Variants in LTBP3 observed in about 807,000 individuals in gnomAD.
The protein encoded by LTBP3 is latent-transforming growth factor beta-binding protein 3.
A neutral mutation model predicts 159.7 loss-of-function variants in LTBP3; 97 were observed. That is an observed-to-expected ratio of 0.61 (90% CI 0.52 to 0.72). LTBP3 has a LOEUF of 0.72. Ranked by LOEUF, LTBP3 falls within the 30% of genes least tolerant of loss-of-function variation. The pLI, the probability that LTBP3 is intolerant of heterozygous loss-of-function variation, is 0.00. For missense variants in LTBP3, 1,584 were observed against 1,864.3 expected, an observed-to-expected ratio of 0.85 and a Z score of 2.77; for synonymous variants, 824 against 777.1, an observed-to-expected ratio of 1.06 and a Z score of -1.00.
At position 65,539,017 on chromosome 11, in the gene LTBP3, G is replaced by GC. The variant is rs965051560; in HGVS notation, c.*62dup. The GC allele has an allele frequency of 5.1e-5, 67 of 1,324,716 alleles. No homozygotes were observed. Among genetic ancestry groups the GC allele is most frequent in the Non-Finnish European group, 6.3e-5 (65 of 1,038,560 alleles). 82.1% of individuals were successfully genotyped at this position (1,324,716 alleles called of 1,614,324 possible). ...AGCCACAAGTCGGGGCAGAAGTGAGGCCGAGCTCGCGGAAATCCCTCAGTG... is the reference window on the plus strand; with the variant it reads ...AGCCACAAGTCGGGGCAGAAGTGAGGCCCGAGCTCGCGGAAATCCCTCAGTG... On this transcript the variant is annotated 3_prime_UTR_variant, in exon 28 of 28. Coordinates refer to ENST00000301873, the MANE Select transcript of LTBP3 (RefSeq NM_001130144.3).
Position 65,553,942 on chromosome 11 carries a change from G to A in LTBP3, c.662-39C>T, listed in dbSNP as rs751122445. 3 of 1,519,326 alleles carry A rather than the reference G, an allele frequency of 2.0e-6. No individual in the cohort carries two copies. Among genetic ancestry groups the A allele is most frequent in the Middle Eastern group, 3.9e-4 (2 of 5,108 alleles). 94.1% of individuals were successfully genotyped at this position (1,519,326 alleles called of 1,614,324 possible). A position where few individuals can be genotyped will look rare whatever the true frequency, so the allele number is the denominator to read the frequency against. On this transcript the variant is annotated intron_variant, in intron 2 of 27. Coordinates refer to ENST00000301873, the MANE Select transcript of LTBP3 (RefSeq NM_001130144.3). The surrounding 1 kb of genome is among the most constrained non-coding windows in gnomAD (Gnocchi z 6.5). ...CGGTGGCCTCAGGGCTGCCCGCACC[G>A]CGCCGCGGGTCACCGCGCTGAGCTC...
rs1219883550 is a variant in LTBP3 at position 65,543,410 on chromosome 11, G to C, written c.2476+17C>G. 2 of 1,613,810 alleles carry C rather than the reference G, an allele frequency of 1.2e-6. No individual in the cohort carries two copies. Among genetic ancestry groups the C allele is most frequent in the Non-Finnish European group, 1.7e-6 (2 of 1,179,936 alleles). On this transcript the variant is annotated intron_variant, in intron 17 of 27. Transcript: ENST00000301873. ...TAGGGAGGGACAGGTCAGCACCCCA[G>C]CTCTAAGATCCCTCACCCTCGCAGT...
At chr11:65,550,896 T>C (rs1284647952) in intron 11 of LTBP3, among the ~76,000 whole-genome samples, 1 of 152,210 alleles carries the variant, frequency 6.6e-6, no homozygotes, top group Non-Finnish European at 1.5e-5. Flanking sequence ...CCTGTAACAC[T>C]AATAAGTATT....
rs375946296 is a variant in LTBP3 at position 65,540,971 on chromosome 11, G to A, written c.2894-17C>T. 2 of 1,610,596 alleles carry A rather than the reference G, an allele frequency of 1.2e-6. No individual in the cohort carries two copies. The highest frequency in any genetic ancestry group is 2.7e-5 in the African/African-American group (2 of 74,910). On this transcript the variant is annotated splice_polypyrimidine_tract_variant and intron_variant, in intron 20 of 27. Transcript: ENST00000301873. ...GGAACTCGGCTGCAGGGGCAGGGCG[G>A]CCGTGGGGAGGGAAGAGGCAGGACT...
chr11:65,551,080 TG>T, intron 11 of LTBP3, 45 bp downstream of exon 11: 1 of 1,479,392 alleles, frequency 6.8e-7, no homozygotes, highest in Non-Finnish European at 9.2e-7. Flanking sequence ...AAAACTAAAG[TG>T]GGGGCGTGGC....
intron 17 of LTBP3, 56 bp downstream of exon 17, chr11:65,543,371 T>TG: frequency 1.9e-6 from 3 of 1,611,726 alleles, no homozygotes; most frequent in South Asian, 1.1e-5. Context: ...CCCTGGGGGG[T>TG]GGGGGTCCTG....
Position 65,547,027 on chromosome 11 carries a change from C to T in LTBP3, c.2108-107G>A. On this transcript the variant is annotated intron_variant, in intron 14 of 27. Coordinates refer to ENST00000301873, the MANE Select transcript of LTBP3 (RefSeq NM_001130144.3). This position sits in a 1 kb window ranked among gnomAD's most constrained non-coding sequence, Gnocchi z 4.6. ...CTCCCACACAGATCAACGAGGCTCC[C>T]GGACCCCAACCTCTGAGAGGCCCAG... The T allele has an allele frequency of 3.3e-6, 5 of 1,507,304 alleles. No individual in the cohort carries two copies. Among genetic ancestry groups the T allele is most frequent in the Non-Finnish European group, 4.5e-6 (5 of 1,106,900 alleles). The allele number at this position is 1,507,304 out of a possible 1,614,324, so 93.4% of individuals were successfully genotyped here.
In LTBP3 at chr11:65,552,501, C is replaced by T. The variant is rs1178791579; in HGVS notation, c.1187-95G>A. 16 of 1,493,226 alleles carry T rather than the reference C, an allele frequency of 1.1e-5. No individual in the cohort carries two copies. The highest frequency in any genetic ancestry group is 1.5e-5 in the Non-Finnish European group (16 of 1,095,906). The allele number at this position is 1,493,226 out of a possible 1,614,324, so 92.5% of individuals were successfully genotyped here. On this transcript the variant is annotated intron_variant, in intron 6 of 27. Transcript: ENST00000301873. This position sits in a 1 kb window ranked among gnomAD's most constrained non-coding sequence, Gnocchi z 6.0. The stretch of plus-strand genomic sequence containing the variant: ...GCAGACCTTGCCTCTCCGGCCCAGA[C>T]AACCCTTGATCCCCCATGTGGTCTC...
Position 65,552,730 on chromosome 11 carries a change from G to T in LTBP3, c.1186+130C>A. The T allele has an allele frequency of 7.3e-7, 1 of 1,363,440 alleles. No homozygotes were observed. 84.5% of individuals were successfully genotyped at this position (1,363,440 alleles called of 1,614,324 possible). A position where few individuals can be genotyped will look rare whatever the true frequency, so the allele number is the denominator to read the frequency against. On this transcript the variant is annotated intron_variant, in intron 6 of 27. Transcript: ENST00000301873. This position sits in a 1 kb window ranked among gnomAD's most constrained non-coding sequence, Gnocchi z 6.0. ...GTGACCCCGGACCCTGCTGATCCCT[G>T]ATCCTATTGGCTCTGGGCCTTGTTC...
chr11:65,545,540 G>A lies in LTBP3; in HGVS notation c.2353+902C>T, dbSNP rs141078031. Reference sequence around the variant, plus strand: ...CCCAAACTGGAAACGGGGAGGGGTCGTTATCACCCTCGCTTTCACTTGACA... The same window carrying A: ...CCCAAACTGGAAACGGGGAGGGGTCATTATCACCCTCGCTTTCACTTGACA... On this transcript the variant is annotated intron_variant, in intron 16 of 27. Transcript: ENST00000301873. 38 of 231,030 alleles carry A rather than the reference G, an allele frequency of 1.6e-4. No individual in the cohort carries two copies. In the East Asian group the frequency reaches 1.8e-3, roughly 11 times the overall value. 14.3% of individuals were successfully genotyped at this position (231,030 alleles called of 1,614,324 possible).
chr11:65,540,363 G>A lies in LTBP3; in HGVS notation c.3126C>T (p.Asp1042=), dbSNP rs1347437665. The change falls in exon 23 of 28, where the codon GAC becomes GAT. Residue 1042 remains aspartate, a synonymous_variant. Coordinates refer to ENST00000301873, the MANE Select transcript of LTBP3 (RefSeq NM_001130144.3). ...ACACTCCGTTCCGGCAGTTGGACTC[G>A]TCCAGGCACTCGTCCACGTCTGCAG... ...LECVDVDECL[D]ESNCRNGVCE... The A allele has an allele frequency of 1.3e-6, 2 of 1,594,734 alleles. No homozygotes were observed. Among genetic ancestry groups the A allele is most frequent in the Non-Finnish European group, 1.7e-6 (2 of 1,171,904 alleles).
Position 65,540,000 on chromosome 11 carries a change from C to T in LTBP3, c.3385+13G>A. On this transcript the variant is annotated intron_variant, in intron 24 of 27. Coordinates refer to ENST00000301873, the MANE Select transcript of LTBP3 (RefSeq NM_001130144.3). Reference sequence around the variant, plus strand: ...GGGCCCCGGGATCGGCCAAGGCCAACCCTCGCCCTCACCGGCCGGGCTCTC... The same window carrying T: ...GGGCCCCGGGATCGGCCAAGGCCAATCCTCGCCCTCACCGGCCGGGCTCTC... 6.7e-7 allele frequency: 1 copy of T among 1,489,342 alleles called. No homozygotes were observed. Among genetic ancestry groups the T allele is most frequent in the African/African-American group, 1.4e-5 (1 of 70,200 alleles). The allele number at this position is 1,489,342 out of a possible 1,614,324, so 92.3% of individuals were successfully genotyped here. A position where few individuals can be genotyped will look rare whatever the true frequency, so the allele number is the denominator to read the frequency against.
Position 65,551,543 on chromosome 11 carries a change from C to T in LTBP3, c.1548+5G>A. ...CACCCCTCCCATCTGGGTTCTCATACTCACTGAGTCCGTGGTCACCCCTAA... is the reference window on the plus strand; with the variant it reads ...CACCCCTCCCATCTGGGTTCTCATATTCACTGAGTCCGTGGTCACCCCTAA... On this transcript the variant is annotated splice_donor_5th_base_variant and intron_variant, in intron 9 of 27. Transcript: ENST00000301873. 1.2e-6 allele frequency: 2 copies of T among 1,614,080 alleles called. No homozygotes were observed. The highest frequency in any genetic ancestry group is 1.7e-6 in the Non-Finnish European group (2 of 1,180,014).
chr11:65,552,189 C>T lies in LTBP3; in HGVS notation c.1346-32G>A, dbSNP rs1856635157. On this transcript the variant is annotated intron_variant, in intron 7 of 27. Transcript: ENST00000301873. This position sits in a 1 kb window ranked among gnomAD's most constrained non-coding sequence, Gnocchi z 6.0. ...TCAAGACAGCAGACACAAAAGTGAG[C>T]ATTTCCTGGACAGGTGCATGGACCT... 3.1e-6 allele frequency: 5 copies of T among 1,614,182 alleles called. No individual in the cohort carries two copies. Among genetic ancestry groups the T allele is most frequent in the Non-Finnish European group, 3.4e-6 (4 of 1,180,004 alleles).
At chr11:65,555,251 T>A (rs998719521) in intron 1 of LTBP3, among the ~76,000 whole-genome samples, 42 of 152,102 alleles carry the variant, frequency 2.8e-4, no homozygotes, top group Admixed American at 1.3e-4. Flanking sequence ...GAAACCTGCC[T>A]CAGGCAGAAG....
Position 65,547,259 on chromosome 11 carries a change from G to T in LTBP3, c.2107+180C>A, listed in dbSNP as rs542773562. Among the ~76,000 whole-genome samples the T allele has an allele frequency of 6.6e-5, 10 of 152,016 alleles. No homozygotes were observed. The South Asian group carries it at 2.1e-3, about 32-fold the overall frequency. ...CTCGGGAGGCTGAGGCAGGAGAATC[G>T]CTTGAACCCGGGAGGCGGAGGTTGC... On this transcript the variant is annotated intron_variant, in intron 14 of 27. Coordinates refer to ENST00000301873, the MANE Select transcript of LTBP3 (RefSeq NM_001130144.3). The surrounding 1 kb of genome is among the most constrained non-coding windows in gnomAD (Gnocchi z 4.6).
rs1424843891 is a variant in LTBP3, at chr11:65,552,497, C to T, written c.1187-91G>A. The T allele has an allele frequency of 1.3e-6, 2 of 1,512,686 alleles. No individual in the cohort carries two copies. Among genetic ancestry groups the T allele is most frequent in the African/African-American group, 2.7e-5 (2 of 72,836 alleles). The allele number at this position is 1,512,686 out of a possible 1,614,324, so 93.7% of individuals were successfully genotyped here. ...TGCTGCAGACCTTGCCTCTCCGGCC[C>T]AGACAACCCTTGATCCCCCATGTGG... On this transcript the variant is annotated intron_variant, in intron 6 of 27. Coordinates refer to ENST00000301873, the MANE Select transcript of LTBP3 (RefSeq NM_001130144.3). The surrounding 1 kb of genome is among the most constrained non-coding windows in gnomAD (Gnocchi z 6.0).
chr11:65,546,923 G>T lies in LTBP3; in HGVS notation c.2108-3C>A. 1 of 1,611,406 alleles carries T rather than the reference G, an allele frequency of 6.2e-7. No homozygotes were observed. Among genetic ancestry groups the T allele is most frequent in the Non-Finnish European group, 8.5e-7 (1 of 1,179,986 alleles). ...TGGGTCCCGGCACTCGTCGATGTCTGCACGGGAGGGAGAAGGAAGAGGACC... is the reference window on the plus strand; with the variant it reads ...TGGGTCCCGGCACTCGTCGATGTCTTCACGGGAGGGAGAAGGAAGAGGACC... On this transcript the variant is annotated splice_polypyrimidine_tract_variant and splice_region_variant and intron_variant, in intron 14 of 27. Transcript: ENST00000301873. The surrounding 1 kb of genome is among the most constrained non-coding windows in gnomAD (Gnocchi z 4.0).
Position 65,539,091 on chromosome 11 carries a change from G to A in LTBP3, c.3901C>T (p.Arg1301Cys), listed in dbSNP as rs1339515372. 1.4e-6 allele frequency: 2 copies of A among 1,426,364 alleles called. No homozygotes were observed. Among genetic ancestry groups the A allele is most frequent in the Non-Finnish European group, 1.8e-6 (2 of 1,086,346 alleles). 88.4% of individuals were successfully genotyped at this position (1,426,364 alleles called of 1,614,324 possible). ...CGGCGTCGGCGGCGTCAGCGGCGGCGCTGGGGAACGCAGGCCCCGTGCGGG... is the reference window on the plus strand; with the variant it reads ...CGGCGTCGGCGGCGTCAGCGGCGGCACTGGGGAACGCAGGCCCCGTGCGGG... ...SRPHGACVPQ[R>C]RR The change falls in exon 28 of 28, where the codon CGC (arginine) becomes TGC (cysteine). Residue 1301 changes from arginine to cysteine, a missense_variant. Physicochemically the swap from Arg to Cys is radical, Grantham distance 180. Coordinates refer to ENST00000301873, the MANE Select transcript of LTBP3 (RefSeq NM_001130144.3).
Sources: gnomAD v4.1 joint callset for allele counts (sites outside exome capture counted in the v4.1 genomes callset) on GRCh38, gnomAD v4.1.1 for gene constraint, Gnocchi (gnomAD v3.1) non-coding constraint, MANE v1.5 for transcripts, NCBI Gene and HGNC (gene_info 2026-07-23, HGNC 2026-07-21) for gene names.